The following NGDN variants were observed in gnomAD, a reference collection of about 807,000 sequenced individuals.
The protein encoded by NGDN is EIF4E-binding protein.
In NGDN, 41 loss-of-function variants were observed where a neutral mutation model predicts 45.2. That is an observed-to-expected ratio of 0.91 (90% CI 0.71 to 1.18). NGDN has a LOEUF of 1.18. Among genes scored for constraint, NGDN ranks in the 50% most tolerant of loss-of-function variants. The pLI is 0.00. For missense variants in NGDN, 402 were observed against 399.9 expected, an observed-to-expected ratio of 1.01 and a Z score of -0.05; for synonymous variants, 137 against 130.9, an observed-to-expected ratio of 1.05 and a Z score of -0.32.
intron 3 of NGDN, among the ~76,000 whole-genome samples, chr14:23,473,485 TCA>T (rs1328126437): frequency 1.3e-5 from 2 of 152,190 alleles, no homozygotes; most frequent in East Asian, 3.8e-4. Context: ...TATTTGGGCC[TCA>T]TAATTATTCT....
intron 10 of NGDN, 171 bp downstream of exon 10, chr14:23,477,731 G>A: frequency 6.8e-7 from 1 of 1,461,256 alleles, no homozygotes; most frequent in South Asian, 1.5e-5. Context: ...CTGGAAATCA[G>A]CATCATTCAC....
rs781673767 is a variant in NGDN, at chr14:23,475,178, GCTT to G, written c.156_158del (p.Phe52del). On this transcript the variant is annotated inframe_deletion, in exon 4 of 11. Transcript: ENST00000408901. ...CTGTTTTGTTCAACTCAGGGTCTCAGCTTCTTGGAAGTGAAAGACCAGCTGCTG... is the reference window on the plus strand; with the variant it reads ...CTGTTTTGTTCAACTCAGGGTCTCAGCTTGGAAGTGAAAGACCAGCTGCTG... 11 of 1,612,032 alleles carry G rather than the reference GCTT, an allele frequency of 6.8e-6. No individual in the cohort carries two copies. In the South Asian group the frequency reaches 1.2e-4, roughly 18 times the overall value.
downstream of NGDN, chr14:23,478,294 C>T (rs181431792): frequency 2.5e-6 from 1 of 400,696 alleles, no homozygotes; most frequent in Non-Finnish European, 4.5e-6. Context: ...GTATTGTTTT[C>T]TTTGATAATA....
intron 3 of NGDN, among the ~76,000 whole-genome samples, chr14:23,472,517 A>G (rs1282781085): frequency 6.6e-6 from 1 of 152,148 alleles, no homozygotes; most frequent in Non-Finnish European, 1.5e-5. Context: ...CAAAACAACA[A>G]CAATTAAAAT....
chr14:23,475,984 T>A, intron 6 of NGDN, 45 bp from the exon 7 acceptor site: 1 of 1,613,160 alleles, frequency 6.2e-7, no homozygotes, highest in South Asian at 1.1e-5. Flanking sequence ...TTCTCACTTA[T>A]CTCATGAATG....
Position 23,476,105 on chromosome 14 carries a change from G to A in NGDN, c.497G>A (p.Gly166Glu). Reference protein sequence around the residue: ...SEASGKKSVKGVSKKYVPPRL... With the variant: ...SEASGKKSVKEVSKKYVPPRL... The stretch of plus-strand genomic sequence containing the variant: ...GCTTCAGGGAAGAAATCTGTGAAGG[G>A]AGTGTCTAAGAAATATGTTCCTCCA... The change falls in exon 7 of 11, where the codon GGA (glycine) becomes GAA (glutamate). Residue 166 changes from glycine to glutamate, a missense_variant. Coordinates refer to ENST00000408901, the MANE Select transcript of NGDN (RefSeq NM_001042635.2). 6.2e-7 allele frequency: 1 copy of A among 1,614,154 alleles called. No individual in the cohort carries two copies. The highest frequency in any genetic ancestry group is 1.7e-5 in the Admixed American group (1 of 60,016).
At chr14:23,471,932 T>C (rs1042419356) in intron 3 of NGDN, among the ~76,000 whole-genome samples, 5 of 152,178 alleles carry the variant, frequency 3.3e-5, no homozygotes, top group Admixed American at 2.6e-4. Flanking sequence ...AATATGCGCC[T>C]GTAATCCCAA....
chr14:23,473,188 G>A (rs569800901), intron 3 of NGDN, among the ~76,000 whole-genome samples: 7 of 152,130 alleles, frequency 4.6e-5, no homozygotes, highest in East Asian at 1.9e-4. Flanking sequence ...TAGTAAAGAC[G>A]AGGTTTTACC....
intron 10 of NGDN, chr14:23,477,794 T>C (rs1443801201): frequency 1.4e-6 from 2 of 1,456,928 alleles, no homozygotes; most frequent in African/African-American, 2.9e-5. Context: ...TGTTCAGGCT[T>C]CCCTAAATAG....
chr14:23,474,885 T>C (rs1341976033), intron 3 of NGDN, among the ~76,000 whole-genome samples: 2 of 152,194 alleles, frequency 1.3e-5, no homozygotes, highest in African/African-American at 4.8e-5. Context: ...TGTCAATAGC[T>C]CTGAGATTGA....
rs1473755779 is a variant in NGDN at position 23,478,142 on chromosome 14, G to A, written c.*116G>A. The A allele has an allele frequency of 3.4e-5, 34 of 1,008,814 alleles. 1 individual carries two copies. In the South Asian group the frequency reaches 3.9e-4, roughly 11 times the overall value. 62.5% of individuals were successfully genotyped at this position (1,008,814 alleles called of 1,614,324 possible). ...TGTTTGCTTTGGACATGTGGAAAGA[G>A]CCTTACTAATAAAATTGATTTTGCT... is the stretch of plus-strand genomic sequence containing the variant. On this transcript the variant is annotated 3_prime_UTR_variant, in exon 11 of 11. Transcript: ENST00000408901.
At position 23,475,212 on chromosome 14, in the gene NGDN, G is replaced by A. The variant is rs747571214; in HGVS notation, c.186G>A (p.Met62Ile). The A allele has an allele frequency of 1.9e-6, 3 of 1,614,038 alleles. No homozygotes were observed. The South Asian group carries it at 3.3e-5, about 18-fold the overall frequency. The change falls in exon 4 of 11, where the codon ATG becomes ATA. Residue 62 changes from methionine (M) to isoleucine (I), a missense_variant. By Grantham distance (10) the Met-to-Ile change is conservative. Transcript: ENST00000408901. Reference protein sequence around the residue: ...FLEVKDQLLLMYLMDLTHLIL... With the variant: ...FLEVKDQLLLIYLMDLTHLIL... ...AAGTGAAAGACCAGCTGCTGCTCAT[G>A]TACCTTATGGATTTGACCCACCTCA...
downstream of NGDN, chr14:23,478,510 AC>A (rs372134379): frequency 5.4e-3 from 834 of 153,880 alleles, 10 homozygotes; most frequent in African/African-American, 0.019. Context: ...GGTTCAAGAA[AC>A]TTGAGCTTGG....
chr14:23,478,095 G>T lies in NGDN; in HGVS notation c.*69G>T. 1 of 1,441,140 alleles carries T rather than the reference G, an allele frequency of 6.9e-7. No individual in the cohort carries two copies. The highest frequency in any genetic ancestry group is 2.3e-5 in the East Asian group (1 of 43,924). 89.3% of individuals were successfully genotyped at this position (1,441,140 alleles called of 1,614,324 possible). A position where few individuals can be genotyped will look rare whatever the true frequency, so the allele number is the denominator to read the frequency against. ...CTTCTAATTTCATTGTATATAGGTG[G>T]TTTTCCCTGGAATTCATTAATTGTT... On this transcript the variant is annotated 3_prime_UTR_variant, in exon 11 of 11. Coordinates refer to ENST00000408901, the MANE Select transcript of NGDN (RefSeq NM_001042635.2).
chr14:23,477,158 C>T (rs758923809), intron 8 of NGDN, 42 bp from the exon 9 acceptor site: 3 of 1,605,552 alleles, frequency 1.9e-6, no homozygotes, highest in South Asian at 2.2e-5. Flanking sequence ...AGCTTTCCAT[C>T]TCCATGGTCT....
chr14:23,470,975 A>G lies in NGDN; in HGVS notation c.142A>G (p.Lys48Glu), dbSNP rs376463024. ...TCAAGCTGGTGCCTATCCTACAGAAAAGGTAAGATGTACTCAAACAGTAAG... is the reference window on the plus strand; with the variant it reads ...TCAAGCTGGTGCCTATCCTACAGAAGAGGTAAGATGTACTCAAACAGTAAG... ...KVQAGAYPTEKGLSFLEVKDQ... is the reference protein window; with the variant it reads ...KVQAGAYPTEEGLSFLEVKDQ... Residue 48 changes from lysine to glutamate, a missense_variant and splice_region_variant, in exon 3 of 11, where the codon AAG becomes GAG. Lys to Glu is a moderately conservative substitution (Grantham distance 56, BLOSUM62 1). Coordinates refer to ENST00000408901, the MANE Select transcript of NGDN (RefSeq NM_001042635.2). 6.5e-7 allele frequency: 1 copy of G among 1,542,992 alleles called. No homozygotes were observed. Among genetic ancestry groups the G allele is most frequent in the African/African-American group, 1.4e-5 (1 of 70,662 alleles).
At chr14:23,475,485 C>T (rs1291735589) in intron 4 of NGDN, 73 bp from the exon 5 acceptor site, 2 of 1,484,128 alleles carry the variant, frequency 1.3e-6, no homozygotes, top group Non-Finnish European at 1.9e-6. Context: ...TATGTGGCAC[C>T]TTAATATAGG....
At position 23,475,604 on chromosome 14, in the gene NGDN, T is replaced by C. The variant is rs1396099281; in HGVS notation, c.329T>C (p.Ile110Thr). 2 of 1,614,098 alleles carry C rather than the reference T, an allele frequency of 1.2e-6. No individual in the cohort carries two copies. Among genetic ancestry groups the C allele is most frequent in the Non-Finnish European group, 1.7e-6 (2 of 1,180,046 alleles). Residue 110 changes from isoleucine to threonine, a missense_variant, in exon 5 of 11, where the codon ATT (isoleucine) becomes ACT (threonine). Coordinates refer to ENST00000408901, the MANE Select transcript of NGDN (RefSeq NM_001042635.2). ...RPLDQKLKYQ[I>T]DKLIKTAVTG... ...TTGGACCAAAAGCTGAAGTATCAAATTGACAAGCTGATCAAGACTGCAGTG... is the reference window on the plus strand; with the variant it reads ...TTGGACCAAAAGCTGAAGTATCAAACTGACAAGCTGATCAAGACTGCAGTG...
chr14:23,478,029 A>G lies in NGDN; in HGVS notation c.*3A>G, dbSNP rs771508410. 1.2e-6 allele frequency: 2 copies of G among 1,613,508 alleles called. No homozygotes were observed. Among genetic ancestry groups the G allele is most frequent in the Non-Finnish European group, 8.5e-7 (1 of 1,179,608 alleles). On this transcript the variant is annotated 3_prime_UTR_variant, in exon 11 of 11. Coordinates refer to ENST00000408901, the MANE Select transcript of NGDN (RefSeq NM_001042635.2). ...CAGGTTTTCGGAGGCGGCGGTGATT[A>G]TGGGTGTACATATTTGTATATTTTT...
Sources: allele counts gnomAD v4.1 joint callset (sites outside exome capture counted in the v4.1 genomes callset), GRCh38; gene constraint gnomAD v4.1.1; transcripts MANE v1.5; gene names NCBI Gene and HGNC (gene_info 2026-07-23, HGNC 2026-07-21).